RHOF: variants seen among roughly 807,000 people sequenced by gnomAD.
RHOF encodes the protein rho-related GTP-binding protein RhoF.
In RHOF, 21 loss-of-function variants were observed where a neutral mutation model predicts 22.2. The ratio of observed to expected loss-of-function variants is 0.95; its 90% confidence interval spans 0.67 to 1.36. The LOEUF is 1.36. RHOF is among the 40% of genes most tolerant of loss of function. The probability of loss-of-function intolerance (pLI) is 0.00; values close to 1 mark genes in which losing one functional copy is unlikely to be tolerated. For synonymous variants in RHOF, 135 were observed against 131.2 expected, an observed-to-expected ratio of 1.03 and a Z score of -0.20; for missense variants, 285 against 293.7, an observed-to-expected ratio of 0.97 and a Z score of 0.22.
chr12:121,789,258 C>G (rs1332185879), intron 2 of RHOF, among the ~76,000 whole-genome samples: 1 of 152,134 alleles, frequency 6.6e-6, no homozygotes, highest in Admixed American at 6.5e-5. Flanking sequence ...AAAAAAAACC[C>G]AGGAATTACA....
intron 2 of RHOF, among the ~76,000 whole-genome samples, chr12:121,786,191 A>T (rs1202445901): frequency 6.6e-6 from 1 of 151,966 alleles, no homozygotes; most frequent in African/African-American, 2.4e-5. Context: ...AAGTGCTGGG[A>T]TTACAGGTGT....
chr12:121,790,621 C>CG (rs1874741063), intron 2 of RHOF, among the ~76,000 whole-genome samples: 2 of 152,312 alleles, frequency 1.3e-5, no homozygotes, highest in African/African-American at 4.8e-5. Context: ...TCCCTGGTCA[C>CG]GGGGGGATAC....
At chr12:121,783,288 ACTGAAG>A (rs1229535854) in intron 2 of RHOF, among the ~76,000 whole-genome samples, 1 of 143,760 alleles carries the variant, frequency 7.0e-6, no homozygotes, top group Non-Finnish European at 1.5e-5. Context: ...CCTCTCCACA[ACTGAAG>A]CATCTTCAAT....
intron 2 of RHOF, 46 bp from the exon 3 acceptor site, chr12:121,781,238 CTG>C (rs1308167442): frequency 3.2e-6 from 5 of 1,562,366 alleles, no homozygotes; most frequent in Non-Finnish European, 4.4e-6. Flanking sequence ...CCCTCCCTGT[CTG>C]GACTCTGACG....
Position 121,779,672 on chromosome 12 carries a change from G to T in RHOF, c.472-10C>A, listed in dbSNP as rs1450488776. On this transcript the variant is annotated splice_polypyrimidine_tract_variant and intron_variant, in intron 4 of 4. Coordinates refer to ENST00000267205, the MANE Select transcript of RHOF (RefSeq NM_019034.3). ...CGCAGGCGCTCAGGCCCTGGGTGGG[G>T]GGAGGAGCCAGCATTAGGTGAGGGG... is the stretch of plus-strand genomic sequence containing the variant. 3.7e-6 allele frequency: 6 copies of T among 1,613,368 alleles called. No homozygotes were observed. Among genetic ancestry groups the T allele is most frequent in the Non-Finnish European group, 5.1e-6 (6 of 1,179,718 alleles).
intron 2 of RHOF, among the ~76,000 whole-genome samples, chr12:121,787,243 C>T (rs1286093205): frequency 1.3e-5 from 2 of 152,124 alleles, no homozygotes; most frequent in African/African-American, 2.4e-5. Context: ...GCTTTAGGTG[C>T]CCTGCAGCCT....
chr12:121,793,566 A>G lies in RHOF; in HGVS notation c.68T>C (p.Val23Ala). ...PGPGRKELKI[V>A]IVGDGGCGKT... is the part of the protein sequence containing the mutation. ...GCCGCAGCCGCCGTCGCCCACGATC[A>G]CGATCTTCAGCTCCTTCCTGCCCGG... Residue 23 changes from valine (V) to alanine (A), a missense_variant, in exon 1 of 5, where the codon GTG becomes GCG. Transcript: ENST00000267205. The G allele has an allele frequency of 6.4e-7, 1 of 1,552,802 alleles. No homozygotes were observed. The highest frequency in any genetic ancestry group is 8.7e-7 in the Non-Finnish European group (1 of 1,152,284).
intron 2 of RHOF, among the ~76,000 whole-genome samples, chr12:121,786,910 C>T (rs929501819): frequency 3.3e-5 from 5 of 152,134 alleles, no homozygotes; most frequent in African/African-American, 1.2e-4. Flanking sequence ...TGGGGCCAGG[C>T]ACGTGTAGTC....
intron 2 of RHOF, among the ~76,000 whole-genome samples, chr12:121,785,766 C>T (rs1206904288): frequency 2.0e-5 from 3 of 152,016 alleles, no homozygotes; most frequent in African/African-American, 7.3e-5. Context: ...GTGCCCGCCA[C>T]CACACCAAGC....
chr12:121,790,627 G>T (rs1297943168), intron 2 of RHOF, among the ~76,000 whole-genome samples: 1 of 152,210 alleles, frequency 6.6e-6, no homozygotes, highest in African/African-American at 2.4e-5. Flanking sequence ...GTCACGGGGG[G>T]ATACCCTACA....
At chr12:121,781,318 G>A (rs1874450090) in intron 2 of RHOF, 126 bp from the exon 3 acceptor site, 4 of 784,750 alleles carry the variant, frequency 5.1e-6, no homozygotes. Flanking sequence ...TATACAATGG[G>A]CAGCAAGCCA....
intron 2 of RHOF, chr12:121,781,601 G>T (rs1212418360): frequency 4.7e-6 from 1 of 211,702 alleles, no homozygotes; most frequent in African/African-American, 2.3e-5. Context: ...TGCTAGAGAT[G>T]ATGCCGATAG....
At chr12:121,789,957 C>T (rs931724738) in intron 2 of RHOF, among the ~76,000 whole-genome samples, 4 of 152,346 alleles carry the variant, frequency 2.6e-5, no homozygotes, top group East Asian at 1.9e-4. Context: ...CACCTCACCC[C>T]GCCTCCCCCG....
chr12:121,781,078 C>A lies in RHOF; in HGVS notation c.336+5G>T. ...TGGGGCCACCACCCAGGAGGCCGGC[C>A]TCACCTTGATGAGGACGTTGTCGTA... On this transcript the variant is annotated splice_donor_5th_base_variant and intron_variant, in intron 3 of 4. Coordinates refer to ENST00000267205, the MANE Select transcript of RHOF (RefSeq NM_019034.3). 1.2e-6 allele frequency: 2 copies of A among 1,614,186 alleles called. No homozygotes were observed. Among genetic ancestry groups the A allele is most frequent in the South Asian group, 2.2e-5 (2 of 91,086 alleles).
intron 2 of RHOF, among the ~76,000 whole-genome samples, 191 bp downstream of exon 2, chr12:121,792,961 C>T (rs1874800382): frequency 5.3e-5 from 8 of 152,260 alleles, no homozygotes; most frequent in Admixed American, 5.2e-4. Context: ...CCTCCAAACA[C>T]CTTCCACTTA....
chr12:121,787,637 C>T (rs1874641489), intron 2 of RHOF, among the ~76,000 whole-genome samples: 1 of 144,692 alleles, frequency 6.9e-6, no homozygotes. Flanking sequence ...CGCTGTGGCG[C>T]ATGCTTGTAA....
At chr12:121,790,808 G>A (rs1359901843) in intron 2 of RHOF, among the ~76,000 whole-genome samples, 2 of 152,226 alleles carry the variant, frequency 1.3e-5, no homozygotes, top group African/African-American at 4.8e-5. Flanking sequence ...GCATGGCACC[G>A]TAGATTCCAA....
chr12:121,781,221 G>C (rs781608700), intron 2 of RHOF, 29 bp from the exon 3 acceptor site: 7 of 1,599,656 alleles, frequency 4.4e-6, no homozygotes, highest in Non-Finnish European at 6.0e-6. Context: ...GGGGGTCAGG[G>C]GACGTCCCCT....
At chr12:121,789,530 C>T (rs1874708424) in intron 2 of RHOF, among the ~76,000 whole-genome samples, 1 of 152,182 alleles carries the variant, frequency 6.6e-6, no homozygotes, top group African/African-American at 2.4e-5. Flanking sequence ...GGCGGGTGGA[C>T]CCCAGCTCCA....
Sources: gnomAD v4.1 joint callset for allele counts (sites outside exome capture counted in the v4.1 genomes callset) on GRCh38, gnomAD v4.1.1 for gene constraint, MANE v1.5 for transcripts, NCBI Gene and HGNC (gene_info 2026-07-23, HGNC 2026-07-21) for gene names.